Variants in ALG6 observed in about 807,000 individuals in gnomAD.
The protein encoded by ALG6 is dolichyl pyrophosphate Man9GlcNAc2 alpha-1,3-glucosyltransferase.
Under a neutral mutation model 66.6 loss-of-function variants are expected in ALG6, and 46 were observed. That is an observed-to-expected ratio of 0.69 (90% CI 0.55 to 0.88). The LOEUF is 0.88. Ranked by LOEUF, ALG6 falls within the 40% of genes least tolerant of loss-of-function variation. The pLI is 0.00. For missense variants in ALG6, 505 were observed against 586.8 expected (o/e 0.86, Z 1.44); for synonymous variants, 185 against 203.7 (o/e 0.91, Z 0.78).
intron 2 of ALG6, among the ~76,000 whole-genome samples, chr1:63,394,589 C>T (rs1337235442): frequency 1.3e-5 from 2 of 152,022 alleles, no homozygotes; most frequent in Non-Finnish European, 2.9e-5. Flanking sequence ...CAGATGGTCT[C>T]GATCTCTTGA....
chr1:63,378,488 A>G (rs554040607), intron 2 of ALG6, among the ~76,000 whole-genome samples: 1 of 152,238 alleles, frequency 6.6e-6, no homozygotes, highest in South Asian at 2.1e-4. Context: ...GAAACTTTTC[A>G]GCTACTGTGT....
At chr1:63,372,625 A>G (rs1207810752) in intron 2 of ALG6, among the ~76,000 whole-genome samples, 1 of 152,084 alleles carries the variant, frequency 6.6e-6, no homozygotes, top group Non-Finnish European at 1.5e-5. Context: ...TATATAGCAA[A>G]TGTGTATGTA....
chr1:63,375,876 A>G (rs1648106797), intron 2 of ALG6, among the ~76,000 whole-genome samples: 2 of 152,068 alleles, frequency 1.3e-5, no homozygotes, highest in Admixed American at 1.3e-4. Flanking sequence ...CTAAGTTTTA[A>G]AATGTATTGA....
chr1:63,422,112 TATATAAATATATAA>T (rs1458511604), intron 12 of ALG6, among the ~76,000 whole-genome samples: 6 of 94,802 alleles, frequency 6.3e-5, no homozygotes, highest in East Asian at 3.1e-4. Flanking sequence ...AATATAAATA[TATATAAATATATAA>T]ATAAATATAT....
At chr1:63,425,685 T>C (rs768188868) in intron 12 of ALG6, among the ~76,000 whole-genome samples, 12 of 152,188 alleles carry the variant, frequency 7.9e-5, no homozygotes, top group Non-Finnish European at 1.6e-4. Context: ...TGAGCAGTTG[T>C]TCAGTATGGT....
chr1:63,422,184 T>C (rs1481999189), intron 12 of ALG6, among the ~76,000 whole-genome samples: 5 of 126,728 alleles, frequency 3.9e-5, no homozygotes, highest in African/African-American at 1.5e-4. Flanking sequence ...TTTATATTTA[T>C]ATAAATATAT....
At chr1:63,422,244 AAT>A (rs1187346597) in intron 12 of ALG6, among the ~76,000 whole-genome samples, 3 of 26,840 alleles carry the variant, frequency 1.1e-4, no homozygotes, top group Admixed American at 6.6e-4. Flanking sequence ...TATATATATA[AAT>A]ATATATATTT....
chr1:63,436,009 G>A (rs1644676939), intron 14 of ALG6, among the ~76,000 whole-genome samples: 1 of 152,116 alleles, frequency 6.6e-6, no homozygotes, highest in African/African-American at 2.4e-5. Flanking sequence ...CTCAGTAGAT[G>A]GAAAACTCTT....
rs187446493 is a variant in ALG6, at chr1:63,402,305, A to T, written c.219A>T (p.Pro73=). The stretch of plus-strand genomic sequence containing the variant: ...TACAGTATTGGGGATTGGATTACCC[A>T]CCTCTTACAGCTTATCATAGTCTCC... ...NNLQYWGLDY[P]PLTAYHSLLC... Residue 73 remains proline, a synonymous_variant, in exon 4 of 15, where the codon CCA becomes CCT. Transcript: ENST00000263440. 4.3e-6 allele frequency: 7 copies of T among 1,612,206 alleles called. No homozygotes were observed. The Admixed American group carries it at 1.0e-4, about 23-fold the overall frequency.
At chr1:63,390,458 C>T (rs75771261) in intron 2 of ALG6, among the ~76,000 whole-genome samples, 1,570 of 152,196 alleles carry the variant, frequency 0.01, 8 homozygotes, top group Non-Finnish European at 0.018. Flanking sequence ...AGCCATACTG[C>T]CTGGGGTTGA....
chr1:63,378,639 C>T (rs1157498883), intron 2 of ALG6, among the ~76,000 whole-genome samples: 4 of 152,162 alleles, frequency 2.6e-5, no homozygotes, highest in African/African-American at 7.2e-5. Flanking sequence ...ATAATCTCTT[C>T]CCCTCATTGA....
chr1:63,423,260 C>A (rs1457234000), intron 12 of ALG6, among the ~76,000 whole-genome samples: 1 of 152,120 alleles, frequency 6.6e-6, no homozygotes, highest in African/African-American at 2.4e-5. Context: ...CTGACCTCAA[C>A]TGATTCCCCT....
intron 12 of ALG6, among the ~76,000 whole-genome samples, chr1:63,427,399 G>A (rs1286791774): frequency 1.3e-5 from 2 of 151,878 alleles, no homozygotes; most frequent in East Asian, 3.9e-4. Context: ...TCATCCTTCT[G>A]GGAAAGGGGG....
intron 2 of ALG6, among the ~76,000 whole-genome samples, chr1:63,392,041 A>G (rs1648687765): frequency 1.3e-5 from 2 of 152,198 alleles, no homozygotes; most frequent in African/African-American, 4.8e-5. Flanking sequence ...CCAAAGCTGC[A>G]TTGGCTGTTT....
At chr1:63,385,959 T>A (rs1321887646) in intron 2 of ALG6, among the ~76,000 whole-genome samples, 1 of 152,222 alleles carries the variant, frequency 6.6e-6, no homozygotes, top group Non-Finnish European at 1.5e-5. Context: ...GTCTGTCATG[T>A]ATGGCTTTTA....
At position 63,416,647 on chromosome 1, in the gene ALG6, A is replaced by G. The variant is rs569771610; in HGVS notation, c.987+690A>G. Among the ~76,000 whole-genome samples the G allele has an allele frequency of 3.9e-5, 6 of 152,288 alleles. No individual in the cohort carries two copies. The South Asian group carries it at 1.0e-3, about 26-fold the overall frequency. On this transcript the variant is annotated intron_variant, in intron 11 of 14. Transcript: ENST00000263440. ...ATTTGTGTGCAAGAGAAACTAAAAAATATTTTTGAGAAGGAGAGGGGGCAG... is the reference window on the plus strand; with the variant it reads ...ATTTGTGTGCAAGAGAAACTAAAAAGTATTTTTGAGAAGGAGAGGGGGCAG...
chr1:63,371,701 T>G (rs1439894226), intron 2 of ALG6, among the ~76,000 whole-genome samples: 1 of 151,740 alleles, frequency 6.6e-6, no homozygotes, highest in African/African-American at 2.4e-5. Flanking sequence ...GCCTCCCGGG[T>G]TCAAGCAATT....
At chr1:63,422,136 T>C (rs868102554) in intron 12 of ALG6, among the ~76,000 whole-genome samples, 3 of 55,566 alleles carry the variant, frequency 5.4e-5, no homozygotes, top group Non-Finnish European at 9.3e-5. Flanking sequence ...AATAAATATA[T>C]AAATATATAT....
At chr1:63,388,843 A>G (rs1469769846) in intron 2 of ALG6, among the ~76,000 whole-genome samples, 1 of 152,140 alleles carries the variant, frequency 6.6e-6, no homozygotes, top group Admixed American at 6.5e-5. Context: ...TGGATATACT[A>G]TTCTAGGATA....
Sources: gnomAD v4.1 joint callset for allele counts (sites outside exome capture counted in the v4.1 genomes callset) on GRCh38, gnomAD v4.1.1 for gene constraint, MANE v1.5 for transcripts, NCBI Gene and HGNC (gene_info 2026-07-23, HGNC 2026-07-21) for gene names.